The following RPS6KC1 variants were observed in gnomAD, a reference collection of about 807,000 sequenced individuals.
The protein encoded by RPS6KC1 is ribosomal protein S6 kinase C1.
RPS6KC1 carries 54 observed loss-of-function variants against 103.8 expected under a neutral mutation model. The observed-to-expected ratio is 0.52, with a 90% confidence interval of 0.42 to 0.65. The LOEUF (loss-of-function observed/expected upper bound fraction) is 0.65. Ranked by LOEUF, RPS6KC1 falls within the 30% of genes least tolerant of loss-of-function variation. RPS6KC1 has a pLI of 0.00. For synonymous variants in RPS6KC1, 439 were observed against 438.7 expected (o/e 1.00, Z -0.01); for missense variants, 1,151 against 1,253.8 (o/e 0.92, Z 1.24).
At chr1:213,152,339 C>A (rs1241584284) in intron 6 of RPS6KC1, among the ~76,000 whole-genome samples, 8 of 146,302 alleles carry the variant, frequency 5.5e-5, no homozygotes, top group African/African-American at 1.7e-4. Context: ...TGACCCCCCC[C>A]ACCTCCCTCC....
intron 6 of RPS6KC1, among the ~76,000 whole-genome samples, chr1:213,137,241 C>T (rs542570592): frequency 6.6e-6 from 1 of 152,104 alleles, no homozygotes; most frequent in East Asian, 1.9e-4. Context: ...CTGATTCTTC[C>T]CCAGTAGGAA....
At chr1:213,671,798 C>A in the RPS6KC1 span, among the ~76,000 whole-genome samples, 1 of 151,944 alleles carries the variant, frequency 6.6e-6, no homozygotes, top group Non-Finnish European at 1.5e-5. Context: ...ACAACAACAA[C>A]AACAAGAAAA....
the RPS6KC1 span, among the ~76,000 whole-genome samples, chr1:213,355,613 A>G: frequency 6.6e-6 from 1 of 152,218 alleles, no homozygotes; most frequent in Non-Finnish European, 1.5e-5. Flanking sequence ...AAATTATGAA[A>G]GCTTTAATTA....
the RPS6KC1 span, among the ~76,000 whole-genome samples, chr1:213,604,861 G>A: frequency 6.6e-6 from 1 of 152,186 alleles, no homozygotes; most frequent in Non-Finnish European, 1.5e-5. Flanking sequence ...GGGTGGGCAA[G>A]TGTGTGAGTC....
chr1:213,649,042 T>G, the RPS6KC1 span, among the ~76,000 whole-genome samples: 1 of 152,110 alleles, frequency 6.6e-6, no homozygotes, highest in Admixed American at 6.5e-5. Flanking sequence ...ACCCTCTCAC[T>G]TGCCTCACCT....
At chr1:213,680,566 T>C in the RPS6KC1 span, among the ~76,000 whole-genome samples, 4 of 152,194 alleles carry the variant, frequency 2.6e-5, no homozygotes, top group African/African-American at 9.7e-5. Context: ...CTCTCTTCAT[T>C]TTTAAGGATT....
the RPS6KC1 span, among the ~76,000 whole-genome samples, chr1:213,342,852 T>G: frequency 7.2e-5 from 11 of 152,122 alleles, no homozygotes; most frequent in African/African-American, 2.4e-4. Flanking sequence ...GGAAGAGGAC[T>G]TAAACATTTT....
At chr1:213,592,593 C>T in the RPS6KC1 span, among the ~76,000 whole-genome samples, 1 of 152,188 alleles carries the variant, frequency 6.6e-6, no homozygotes, top group East Asian at 1.9e-4. Flanking sequence ...TGTGGAATCT[C>T]TGTAGAGACT....
intron 3 of RPS6KC1, among the ~76,000 whole-genome samples, chr1:213,094,140 C>T (rs990269424): frequency 1.3e-5 from 2 of 151,082 alleles, no homozygotes; most frequent in Non-Finnish European, 2.9e-5. Context: ...CGTTTTTTTC[C>T]AAATTCATGG....
chr1:213,599,616 CTTA>C, the RPS6KC1 span, among the ~76,000 whole-genome samples: 1 of 152,134 alleles, frequency 6.6e-6, no homozygotes, highest in Non-Finnish European at 1.5e-5. Flanking sequence ...TGTCTTTTGT[CTTA>C]TTATTGCCAT....
At chr1:213,603,559 T>G in the RPS6KC1 span, among the ~76,000 whole-genome samples, 1 of 151,916 alleles carries the variant, frequency 6.6e-6, no homozygotes, top group African/African-American at 2.4e-5. Context: ...TGATTTTTTT[T>G]GAGAATTTTT....
chr1:213,701,044 A>G, the RPS6KC1 span, among the ~76,000 whole-genome samples: 1 of 151,950 alleles, frequency 6.6e-6, no homozygotes, highest in African/African-American at 2.4e-5. Context: ...GATGCCCCTT[A>G]TTTCATTCTC....
intron 8 of RPS6KC1, among the ~76,000 whole-genome samples, chr1:213,181,064 T>C (rs2092239381): frequency 6.6e-6 from 1 of 152,180 alleles, no homozygotes; most frequent in Non-Finnish European, 1.5e-5. Context: ...CTCTTTGTAC[T>C]GCAGCCTCCT....
At chr1:213,783,477 T>TC in the RPS6KC1 span, among the ~76,000 whole-genome samples, 454 of 152,046 alleles carry the variant, frequency 3.0e-3, 4 homozygotes, top group Non-Finnish European at 3.3e-3. Context: ...GTTTGTTGCC[T>TC]CCCCCCCTCA....
chr1:213,590,748 G>A, the RPS6KC1 span, among the ~76,000 whole-genome samples: 1 of 151,566 alleles, frequency 6.6e-6, no homozygotes, highest in East Asian at 1.9e-4. Context: ...AGGACTGCCT[G>A]TTGGCAGTGC....
chr1:213,646,510 T>A, the RPS6KC1 span, among the ~76,000 whole-genome samples: 1 of 152,176 alleles, frequency 6.6e-6, no homozygotes, highest in Non-Finnish European at 1.5e-5. Flanking sequence ...TGCAGTACCA[T>A]CAGCCCCTTA....
At chr1:213,220,880 TA>T (rs1169158842) in intron 8 of RPS6KC1, among the ~76,000 whole-genome samples, 5 of 152,218 alleles carry the variant, frequency 3.3e-5, no homozygotes, top group African/African-American at 4.8e-5. Flanking sequence ...ATTTTGTTTT[TA>T]TATGAAGTAT....
chr1:213,676,216 T>C, the RPS6KC1 span, among the ~76,000 whole-genome samples: 1 of 152,190 alleles, frequency 6.6e-6, no homozygotes, highest in Non-Finnish European at 1.5e-5. Flanking sequence ...GCTGGCAAGC[T>C]CTGTGTCCCC....
At chr1:213,478,154 T>G in the RPS6KC1 span, among the ~76,000 whole-genome samples, 2 of 152,214 alleles carry the variant, frequency 1.3e-5, no homozygotes, top group Non-Finnish European at 2.9e-5. Flanking sequence ...TACTTAGTTA[T>G]ATGCATTTGT....
Sources: allele counts gnomAD v4.1 joint callset (sites outside exome capture counted in the v4.1 genomes callset), GRCh38; gene constraint gnomAD v4.1.1; transcripts MANE v1.5; gene names NCBI Gene and HGNC (gene_info 2026-07-23, HGNC 2026-07-21).